Variants in CCDC88C observed in about 807,000 individuals in gnomAD.
The protein encoded by CCDC88C is protein Daple.
A neutral mutation model predicts 198.8 loss-of-function variants in CCDC88C; 131 were observed. That is an observed-to-expected ratio of 0.66 (90% CI 0.57 to 0.76). CCDC88C has a LOEUF of 0.76. CCDC88C is among the 30% of genes least tolerant of loss of function. The probability of loss-of-function intolerance (pLI) is 0.00; values close to 1 mark genes in which losing one functional copy is unlikely to be tolerated. For missense variants in CCDC88C, 2,553 were observed against 2,631.6 expected, an observed-to-expected ratio of 0.97 and a Z score of 0.65; for synonymous variants, 1,166 against 1,114.7, an observed-to-expected ratio of 1.05 and a Z score of -0.92.
At chr14:91,319,215 T>C (rs1196627575) in intron 13 of CCDC88C, among the ~76,000 whole-genome samples, 1 of 152,228 alleles carries the variant, frequency 6.6e-6, no homozygotes, top group South Asian at 2.1e-4. Context: ...TGACCTGGAA[T>C]GAGCAAGACC....
intron 3 of CCDC88C, chr14:91,384,606 T>C (rs1236428127): frequency 2.3e-6 from 1 of 431,264 alleles, no homozygotes; most frequent in African/African-American, 2.0e-5. Context: ...CCTTCACTAT[T>C]GTGCTGCACA....
At chr14:91,281,659 G>A in intron 26 of CCDC88C, 134 bp from the exon 27 acceptor site, 1 of 739,866 alleles carries the variant, frequency 1.4e-6, no homozygotes, top group Non-Finnish European at 2.4e-6. Context: ...TGCAGATGCT[G>A]CCTTTGGGAC....
chr14:91,409,511 G>C (rs910767444), intron 2 of CCDC88C, among the ~76,000 whole-genome samples: 1 of 136,976 alleles, frequency 7.3e-6, no homozygotes, highest in African/African-American at 2.8e-5. Context: ...TTTTTGAGAC[G>C]GAGTCTTGCT....
intron 18 of CCDC88C, among the ~76,000 whole-genome samples, chr14:91,306,729 A>G (rs1170303788): frequency 1.3e-5 from 2 of 152,232 alleles, no homozygotes; most frequent in African/African-American, 4.8e-5. Flanking sequence ...GTCTGCTAAT[A>G]AAACTTTATT....
At position 91,339,771 on chromosome 14, in the gene CCDC88C, C is replaced by G; in HGVS notation, c.624+113G>C. 7.7e-7 allele frequency: 1 copy of G among 1,293,888 alleles called. No homozygotes were observed. The highest frequency in any genetic ancestry group is 1.5e-5 in the African/African-American group (1 of 67,066). 80.2% of individuals were successfully genotyped at this position (1,293,888 alleles called of 1,614,324 possible). Reference sequence around the variant, plus strand: ...AGGGAAAGCACGCACGTCCCACCCCCACCAGAACCTCAGCAGCAGGACCGA... The same window carrying G: ...AGGGAAAGCACGCACGTCCCACCCCGACCAGAACCTCAGCAGCAGGACCGA... On this transcript the variant is annotated intron_variant, in intron 7 of 29. Transcript: ENST00000389857. The surrounding 1 kb of genome is among the most constrained non-coding windows in gnomAD (Gnocchi z 5.8).
chr14:91,303,647 CCT>C, intron 20 of CCDC88C, 52 bp downstream of exon 20: 6 of 1,488,958 alleles, frequency 4.0e-6, no homozygotes, highest in Non-Finnish European at 5.4e-6. Context: ...CTGGGCCCAG[CCT>C]CTCCTCTGGA....
At chr14:91,337,769 T>C (rs1215799255) in intron 10 of CCDC88C, among the ~76,000 whole-genome samples, 1 of 152,248 alleles carries the variant, frequency 6.6e-6, no homozygotes, top group African/African-American at 2.4e-5. Flanking sequence ...GGAGAAACCC[T>C]GAATCACTGC....
At chr14:91,379,637 G>T in intron 3 of CCDC88C, 2 of 584,120 alleles carry the variant, frequency 3.4e-6, no homozygotes, top group South Asian at 4.3e-5. Flanking sequence ...AGGAACTCCG[G>T]CCTCAAGCTC....
rs1230263539 is a variant in CCDC88C at position 91,324,801 on chromosome 14, G to C, written c.1320C>G (p.Ser440=). The change falls in exon 12 of 30, where the codon TCC becomes TCG. Residue 440 remains serine (S), a synonymous_variant. Coordinates refer to ENST00000389857, the MANE Select transcript of CCDC88C (RefSeq NM_001080414.4). The part of the protein sequence containing the change: ...AHLGWELEQL[S]KNADLSDASR... ...TACCGTCTGACAAGTCTGCGTTCTTGGACAGCTGCTCCAGCTCCCAGCCAA... is the reference window on the plus strand; with the variant it reads ...TACCGTCTGACAAGTCTGCGTTCTTCGACAGCTGCTCCAGCTCCCAGCCAA... 1 of 1,612,352 alleles carries C rather than the reference G, an allele frequency of 6.2e-7. No individual in the cohort carries two copies.
Position 91,381,093 on chromosome 14 carries a change from C to T in CCDC88C, c.271-21382G>A, listed in dbSNP as rs973787605. Among the ~76,000 whole-genome samples, 4 of 152,160 alleles carry T rather than the reference C, an allele frequency of 2.6e-5. No homozygotes were observed. Among genetic ancestry groups the T allele is most frequent in the African/African-American group, 9.7e-5 (4 of 41,434 alleles). ...CCTGGTCCACCCTCTGTTTAACCCA[C>T]TGAAAGCCACTGGTCCCATTACAGG... On this transcript the variant is annotated intron_variant, in intron 3 of 29. Transcript: ENST00000389857. The surrounding 1 kb of genome is among the most constrained non-coding windows in gnomAD (Gnocchi z 4.2).
Position 91,283,364 on chromosome 14 carries a change from G to C in CCDC88C, c.4595C>G (p.Ser1532Cys), listed in dbSNP as rs764550186. 2 of 1,613,862 alleles carry C rather than the reference G, an allele frequency of 1.2e-6. No homozygotes were observed. Among genetic ancestry groups the C allele is most frequent in the South Asian group, 2.2e-5 (2 of 91,054 alleles). ...TSATTTAPSNSTPIARHPGRT... is the reference protein window; with the variant it reads ...TSATTTAPSNCTPIARHPGRT... ...GCCTGGGTGCCGGGCGATGGGGGTGGAGTTGGAAGGGGCTGTAGTGGTGGC... is the reference window on the plus strand; with the variant it reads ...GCCTGGGTGCCGGGCGATGGGGGTGCAGTTGGAAGGGGCTGTAGTGGTGGC... The change falls in exon 26 of 30, where the codon TCC becomes TGC. Residue 1532 changes from serine (S) to cysteine (C), a missense_variant. Around this residue, in one of 2 missense-constraint regions of CCDC88C, gnomAD observed 1,293 missense variants for 1,219.6 expected, o/e 1.06. Transcript: ENST00000389857.
chr14:91,272,375 GATT>G lies in CCDC88C; in HGVS notation c.*247_*249del. The G allele has an allele frequency of 1.9e-6, 1 of 529,110 alleles. No homozygotes were observed. The highest frequency in any genetic ancestry group is 3.7e-5 in the Admixed American group (1 of 26,978). 32.8% of individuals were successfully genotyped at this position (529,110 alleles called of 1,614,324 possible). ...CCTAATTGGTCCCCATGCTGACGTG[GATT>G]ATTTGTTCCAAAGATATCAGCTGCT... On this transcript the variant is annotated 3_prime_UTR_variant, in exon 30 of 30. Transcript: ENST00000389857.
Position 91,277,986 on chromosome 14 carries a change from G to C in CCDC88C, c.4994C>G (p.Pro1665Arg). 1 of 1,565,922 alleles carries C rather than the reference G, an allele frequency of 6.4e-7. No homozygotes were observed. The highest frequency in any genetic ancestry group is 8.7e-7 in the Non-Finnish European group (1 of 1,153,042). Residue 1665 changes from proline to arginine, a missense_variant, in exon 29 of 30, where the codon CCC (proline) becomes CGC (arginine). Around this residue, in one of 2 missense-constraint regions of CCDC88C, gnomAD observed 1,293 missense variants for 1,219.6 expected, o/e 1.06. Transcript: ENST00000389857. ...YVGVRPCSAS[P>R]SSEMVTLEEF... ...CTCCAAGGTGACCATCTCACTGCTG[G>C]GGGAGGCCGAGCAGGGCCGCACTCC... is the stretch of plus-strand genomic sequence containing the variant.
At chr14:91,316,060 G>T (rs1480453905) in intron 13 of CCDC88C, among the ~76,000 whole-genome samples, 2 of 152,204 alleles carry the variant, frequency 1.3e-5, no homozygotes, top group Non-Finnish European at 2.9e-5. Context: ...GCCACCGCTG[G>T]GTGCCCTCGG....
chr14:91,400,512 T>C (rs1237254141), intron 3 of CCDC88C, among the ~76,000 whole-genome samples: 1 of 152,206 alleles, frequency 6.6e-6, no homozygotes, highest in Non-Finnish European at 1.5e-5. Flanking sequence ...AGAGCTGGAC[T>C]CCCGGCCACA....
intron 12 of CCDC88C, 98 bp from the exon 13 acceptor site, chr14:91,321,402 G>A: frequency 7.7e-7 from 1 of 1,303,702 alleles, no homozygotes; most frequent in Non-Finnish European, 1.1e-6. Flanking sequence ...GGAGTCCAGG[G>A]TCTAAGGGGC....
In CCDC88C at chr14:91,289,206, G is replaced by A. The variant is rs760459317; in HGVS notation, c.4340C>T (p.Ala1447Val). 13 of 1,614,014 alleles carry A rather than the reference G, an allele frequency of 8.1e-6. No homozygotes were observed. Among genetic ancestry groups the A allele is most frequent in the Middle Eastern group, 1.7e-4 (1 of 6,050 alleles). The change falls in exon 25 of 30, where the codon GCC (alanine) becomes GTC (valine). Residue 1447 changes from alanine (A) to valine (V), a missense_variant. Ala to Val is a moderately conservative substitution (Grantham distance 64). This residue lies in a region of CCDC88C where 1,293 missense variants were observed against 1,219.6 expected (regional missense o/e 1.06). Transcript: ENST00000389857. Reference sequence around the variant, plus strand: ...GGCCTGTGATCTGAGCGGCTGAGAGGCCGCCGGCGAGGCGGGGTCTGAGGA... The same window carrying A: ...GGCCTGTGATCTGAGCGGCTGAGAGACCGCCGGCGAGGCGGGGTCTGAGGA... ...LESSDPASPA[A>V]SQPLRSQAEN...
At chr14:91,304,559 A>G (rs1443968221) in intron 19 of CCDC88C, among the ~76,000 whole-genome samples, 1 of 152,254 alleles carries the variant, frequency 6.6e-6, no homozygotes, top group Non-Finnish European at 1.5e-5. Flanking sequence ...ACTGCACTCC[A>G]GCCTGGGCGA....
chr14:91,285,651 A>T, intron 25 of CCDC88C: 1 of 1,286,202 alleles, frequency 7.8e-7, no homozygotes, highest in Non-Finnish European at 1.0e-6. Context: ...CAATACAGAC[A>T]CATGATAAAG....
Sources: gnomAD v4.1 joint callset for allele counts (sites outside exome capture counted in the v4.1 genomes callset) on GRCh38, gnomAD v4.1.1 for gene constraint, gnomAD v4.1.1 regional missense constraint, Gnocchi (gnomAD v3.1) non-coding constraint, MANE v1.5 for transcripts, NCBI Gene and HGNC (gene_info 2026-07-23, HGNC 2026-07-21) for gene names.